TBC1D19: variants seen among roughly 807,000 people sequenced by gnomAD.
TBC1D19 encodes the protein TBC1 domain family, member 19.
A neutral mutation model predicts 89.0 loss-of-function variants in TBC1D19; 60 were observed. The observed-to-expected ratio is 0.67, with a 90% confidence interval of 0.55 to 0.84. The LOEUF is 0.84. Ranked by LOEUF, TBC1D19 falls within the 40% of genes least tolerant of loss-of-function variation. The pLI, the probability that TBC1D19 is intolerant of heterozygous loss-of-function variation, is 0.00. For synonymous variants in TBC1D19, 189 were observed against 199.7 expected (o/e 0.95, Z 0.45); for missense variants, 500 against 610.8 (o/e 0.82, Z 1.91).
chr4:26,583,562 C>T (rs1348811031), upstream of TBC1D19, among the ~76,000 whole-genome samples: 2 of 152,258 alleles, frequency 1.3e-5, no homozygotes, highest in Non-Finnish European at 2.9e-5. Context: ...AGATTGTCTA[C>T]TTATTCCTGG....
intron 15 of TBC1D19, among the ~76,000 whole-genome samples, chr4:26,729,780 A>T (rs1717537785): frequency 6.6e-6 from 1 of 152,222 alleles, no homozygotes; most frequent in Non-Finnish European, 1.5e-5. Flanking sequence ...TTTACTGTGT[A>T]TACACTTAGC....
the TBC1D19 span, among the ~76,000 whole-genome samples, chr4:26,818,051 G>A: frequency 1.0e-4 from 15 of 150,648 alleles, no homozygotes; most frequent in Non-Finnish European, 2.1e-4. Context: ...GGGATACTGT[G>A]GGGGTGTGGT....
At chr4:26,659,788 C>A (rs1745106876) in intron 8 of TBC1D19, 81 bp downstream of exon 8, 1 of 787,954 alleles carries the variant, frequency 1.3e-6, no homozygotes, top group South Asian at 2.4e-5. Flanking sequence ...GTATGTAAAG[C>A]AATAGGGTAA....
chr4:26,842,842 G>C, the TBC1D19 span, among the ~76,000 whole-genome samples: 3 of 151,824 alleles, frequency 2.0e-5, no homozygotes, highest in Non-Finnish European at 4.4e-5. Flanking sequence ...ATATCATCTC[G>C]ACACACATTT....
chr4:26,835,491 C>T, the TBC1D19 span, among the ~76,000 whole-genome samples: 1 of 152,162 alleles, frequency 6.6e-6, no homozygotes, highest in Non-Finnish European at 1.5e-5. Context: ...GCTCACCCTT[C>T]TACATTTTCG....
the TBC1D19 span, among the ~76,000 whole-genome samples, chr4:26,832,489 G>A: frequency 1.3e-5 from 2 of 152,192 alleles, no homozygotes. Flanking sequence ...TAGAAACACC[G>A]GTCCTCTTAT....
At chr4:26,814,997 G>C in the TBC1D19 span, among the ~76,000 whole-genome samples, 1 of 151,822 alleles carries the variant, frequency 6.6e-6, no homozygotes, top group Non-Finnish European at 1.5e-5. Flanking sequence ...ACTCCAGCTT[G>C]GGTGACAGCG....
the TBC1D19 span, among the ~76,000 whole-genome samples, chr4:26,845,730 G>A: frequency 6.6e-6 from 1 of 152,252 alleles, no homozygotes; most frequent in Admixed American, 6.5e-5. Flanking sequence ...AATCATGGCA[G>A]AAGGTGAAGG....
the TBC1D19 span, among the ~76,000 whole-genome samples, chr4:26,842,588 CTTTCTTTCTTTCTTTCTTTCTT>C: frequency 3.7e-4 from 39 of 104,792 alleles, no homozygotes; most frequent in African/African-American, 1.6e-3. Flanking sequence ...CCCTCCCTTT[CTTTCTTTCTTTCTTTCTTTCTT>C]TCTTTCTTTC....
intron 10 of TBC1D19, among the ~76,000 whole-genome samples, chr4:26,673,494 T>A (rs180989539): frequency 1.8e-3 from 248 of 141,552 alleles, no homozygotes; most frequent in African/African-American, 6.7e-3. Context: ...TTCAGATCCA[T>A]GGAGCTATAG....
intron 13 of TBC1D19, among the ~76,000 whole-genome samples, chr4:26,700,920 A>T (rs554741246): frequency 6.6e-6 from 1 of 152,100 alleles, no homozygotes; most frequent in Non-Finnish European, 1.5e-5. Flanking sequence ...AATTCATGTC[A>T]CTTGTTTGAT....
chr4:26,713,050 A>T (rs1247502701), intron 13 of TBC1D19, among the ~76,000 whole-genome samples: 1 of 152,068 alleles, frequency 6.6e-6, no homozygotes. Context: ...GTTTGGCAGG[A>T]GAAGAGATTA....
At chr4:26,593,536 G>C (rs377148914) in intron 1 of TBC1D19, among the ~76,000 whole-genome samples, 3 of 152,056 alleles carry the variant, frequency 2.0e-5, no homozygotes, top group Middle Eastern at 3.4e-3. Context: ...AGAAACTACC[G>C]TCAGAGTGAA....
intron 11 of TBC1D19, among the ~76,000 whole-genome samples, chr4:26,681,880 C>T (rs576979361): frequency 6.6e-6 from 1 of 152,192 alleles, no homozygotes; most frequent in East Asian, 1.9e-4. Flanking sequence ...AAAACAACAA[C>T]ACAAACGCCC....
chr4:26,586,170 G>GTTTTTTTTTTT (rs1560396710), intron 1 of TBC1D19, among the ~76,000 whole-genome samples: 1 of 135,150 alleles, frequency 7.4e-6, no homozygotes, highest in African/African-American at 2.9e-5. Context: ...TGCAAGGTAA[G>GTTTTTTTTTTT]CTTTTTTTTT....
intron 10 of TBC1D19, among the ~76,000 whole-genome samples, chr4:26,673,446 T>TATATATATATATATACACACAC (rs373807642): frequency 8.8e-5 from 8 of 90,884 alleles, no homozygotes; most frequent in Non-Finnish European, 1.2e-4. Context: ...TATATATATA[T>TATATATATATATATACACACAC]ACACACACAC....
intron 13 of TBC1D19, among the ~76,000 whole-genome samples, chr4:26,710,889 T>A (rs567626566): frequency 6.6e-6 from 1 of 152,190 alleles, no homozygotes; most frequent in Non-Finnish European, 1.5e-5. Context: ...TGTTTTTTCT[T>A]GTAAGTTTGT....
chr4:26,585,993 G>A (rs1175405621), intron 1 of TBC1D19, among the ~76,000 whole-genome samples: 1 of 152,044 alleles, frequency 6.6e-6, no homozygotes, highest in Non-Finnish European at 1.5e-5. Context: ...TGTGCTTTTT[G>A]TTCCCTACCT....
At chr4:26,801,150 G>T in the TBC1D19 span, among the ~76,000 whole-genome samples, 255 of 152,274 alleles carry the variant, frequency 1.7e-3, 3 homozygotes, top group East Asian at 0.042. Flanking sequence ...GGACTAACAT[G>T]TAAGTCTTTA....
Sources: allele counts gnomAD v4.1 joint callset (sites outside exome capture counted in the v4.1 genomes callset), GRCh38; gene constraint gnomAD v4.1.1; transcripts MANE v1.5; gene names NCBI Gene and HGNC (gene_info 2026-07-23, HGNC 2026-07-21).